NEURL1: variants seen among roughly 807,000 people sequenced by gnomAD.
NEURL1 encodes the protein E3 ubiquitin-protein ligase NEURL1.
NEURL1 carries 26 observed loss-of-function variants against 41.2 expected under a neutral mutation model. The ratio of observed to expected loss-of-function variants is 0.63; its 90% CI spans 0.46 to 0.87. NEURL1 has a LOEUF of 0.87. Among genes scored for constraint, NEURL1 ranks in the 40% least tolerant of loss-of-function variants. The pLI is 0.00. For missense variants in NEURL1, 761 were observed against 871.1 expected, an observed-to-expected ratio of 0.87 and a Z score of 1.59; for synonymous variants, 400 against 402.3, an observed-to-expected ratio of 0.99 and a Z score of 0.07.
intron 1 of NEURL1, among the ~76,000 whole-genome samples, chr10:103,498,259 G>A (rs905708421): frequency 2.6e-5 from 4 of 152,146 alleles, no homozygotes; most frequent in African/African-American, 9.7e-5. Context: ...ACGGAGTCTC[G>A]CTCTGTCGCC....
In NEURL1 at chr10:103,584,533, C is replaced by T; in HGVS notation, c.650-3C>T. 2 of 1,362,302 alleles carry T rather than the reference C, an allele frequency of 1.5e-6. No homozygotes were observed. The highest frequency in any genetic ancestry group is 1.9e-6 in the Non-Finnish European group (2 of 1,062,788). The allele number at this position is 1,362,302 out of a possible 1,614,324, so 84.4% of individuals were successfully genotyped here. On this transcript the variant is annotated splice_region_variant and splice_polypyrimidine_tract_variant and intron_variant, in intron 3 of 5. Transcript: ENST00000369780. ...GTGACACTGCCCCGTGTCTCCCGCGCAGATAGCGAGCTGGTGCTCCCGGAC... is the reference window on the plus strand; with the variant it reads ...GTGACACTGCCCCGTGTCTCCCGCGTAGATAGCGAGCTGGTGCTCCCGGAC...
chr10:103,554,420 G>T (rs2035102068), intron 1 of NEURL1, among the ~76,000 whole-genome samples: 1 of 152,178 alleles, frequency 6.6e-6, no homozygotes, highest in Non-Finnish European at 1.5e-5. Context: ...ATGCACATTT[G>T]TGTGACATGA....
At chr10:103,581,093 G>A (rs1281991192) in intron 3 of NEURL1, among the ~76,000 whole-genome samples, 1 of 152,172 alleles carries the variant, frequency 6.6e-6, no homozygotes, top group Non-Finnish European at 1.5e-5. Flanking sequence ...AAGTTATCGG[G>A]TAGCTTCTGG....
At chr10:103,501,362 C>T (rs926431999) in intron 1 of NEURL1, among the ~76,000 whole-genome samples, 1 of 152,042 alleles carries the variant, frequency 6.6e-6, no homozygotes, top group Non-Finnish European at 1.5e-5. Context: ...GCCTTCTGTC[C>T]TAGGCCACGC....
In NEURL1 at chr10:103,578,079, C is replaced by T. The variant is rs144581606; in HGVS notation, c.649+6257C>T. Among the ~76,000 whole-genome samples, 85 of 152,186 alleles carry T rather than the reference C, an allele frequency of 5.6e-4. No individual in the cohort carries two copies. In the East Asian group the frequency reaches 0.014, roughly 26 times the overall value. On this transcript the variant is annotated intron_variant, in intron 3 of 5. Coordinates refer to ENST00000369780, the MANE Select transcript of NEURL1 (RefSeq NM_004210.5). ...CTTGCAGTATTGGGGACAATGCCTT[C>T]ATTTAAGATGCAGGAGACCCACTGA... is the stretch of plus-strand genomic sequence containing the variant.
intron 3 of NEURL1, among the ~76,000 whole-genome samples, chr10:103,572,284 C>T (rs2133878217): frequency 6.6e-6 from 1 of 152,350 alleles, no homozygotes; most frequent in South Asian, 2.1e-4. Flanking sequence ...GGAGCCATGG[C>T]CGTTGAGGGG....
Position 103,584,937 on chromosome 10 carries a change from G to C in NEURL1, c.1051G>C (p.Gly351Arg). The C allele has an allele frequency of 2.7e-6, 4 of 1,489,710 alleles. No homozygotes were observed. Among genetic ancestry groups the C allele is most frequent in the Non-Finnish European group, 3.5e-6 (4 of 1,127,872 alleles). The allele number at this position is 1,489,710 out of a possible 1,614,324, so 92.3% of individuals were successfully genotyped here. ...CACGCGCTCGGGTGGCGCGCGGCCC[G>C]GCGCGCTGTCGTTCGGCGTCACCAC... ...KVTRSGGARP[G>R]ALSFGVTTCD... is the part of the protein sequence containing the mutation. The change falls in exon 4 of 6, where the codon GGC (glycine) becomes CGC (arginine). Residue 351 changes from glycine (G) to arginine (R), a missense_variant. By Grantham distance (125) the Gly-to-Arg change is moderately radical. Coordinates refer to ENST00000369780, the MANE Select transcript of NEURL1 (RefSeq NM_004210.5).
chr10:103,576,479 T>C (rs532640730), intron 3 of NEURL1, among the ~76,000 whole-genome samples: 1 of 152,214 alleles, frequency 6.6e-6, no homozygotes, highest in East Asian at 1.9e-4. Flanking sequence ...CCATGAGAGC[T>C]GAAAGCTTCC....
intron 1 of NEURL1, among the ~76,000 whole-genome samples, chr10:103,536,783 T>C (rs898986689): frequency 5.3e-5 from 8 of 152,204 alleles, no homozygotes; most frequent in Non-Finnish European, 8.8e-5. Flanking sequence ...ATTTAAACAT[T>C]TAATTTAACC....
At chr10:103,571,384 C>T in intron 2 of NEURL1, 117 bp from the exon 3 acceptor site, 1 of 1,172,326 alleles carries the variant, frequency 8.5e-7, no homozygotes, top group Non-Finnish European at 1.2e-6. Context: ...GGGAACTGTG[C>T]TGGAATGGTG....
In NEURL1 at chr10:103,584,678, G is replaced by A. The variant is rs1459711962; in HGVS notation, c.792G>A (p.Glu264=). ...ACGTGCCGGGCGCGGACGGCGACGA[G>A]GCCGCGCCGGCCGCCGGCTGCCCCA... is the stretch of plus-strand genomic sequence containing the variant. ...DLNVPGADGD[E]AAPAAGCPIP... The change falls in exon 4 of 6, where the codon GAG becomes GAA. Residue 264 remains glutamate (E), a synonymous_variant. Coordinates refer to ENST00000369780, the MANE Select transcript of NEURL1 (RefSeq NM_004210.5). The A allele has an allele frequency of 2.1e-6, 3 of 1,429,646 alleles. No homozygotes were observed. The highest frequency in any genetic ancestry group is 2.7e-6 in the Non-Finnish European group (3 of 1,097,842). The allele number at this position is 1,429,646 out of a possible 1,614,324, so 88.6% of individuals were successfully genotyped here. A position where few individuals can be genotyped will look rare whatever the true frequency, so the allele number is the denominator to read the frequency against.
intron 2 of NEURL1, 80 bp downstream of exon 2, chr10:103,571,193 C>T (rs763461855): frequency 1.4e-5 from 20 of 1,426,306 alleles, no homozygotes; most frequent in Non-Finnish European, 1.9e-5. Flanking sequence ...TGGACTCTGC[C>T]CCTCAGCCGC....
chr10:103,515,185 G>A (rs186224453), intron 1 of NEURL1, among the ~76,000 whole-genome samples: 158 of 130,238 alleles, frequency 1.2e-3, no homozygotes, highest in Non-Finnish European at 1.9e-3. Context: ...CTGAGATCAC[G>A]CCGCCGTACT....
At position 103,588,101 on chromosome 10, in the gene NEURL1, G is replaced by A. The variant is rs923451161; in HGVS notation, c.1340-1413G>A. ...GGGTGGATCACAAGGTCAGGAGATC[G>A]AGACCACCCTGGTTAACATGATGAA... On this transcript the variant is annotated intron_variant, in intron 4 of 5. Coordinates refer to ENST00000369780, the MANE Select transcript of NEURL1 (RefSeq NM_004210.5). 5.9e-5 allele frequency among the ~76,000 whole-genome samples: 9 copies of A among 151,808 alleles called. No homozygotes were observed. In the East Asian group the frequency reaches 1.4e-3, roughly 23 times the overall value.
rs1283951931 is a variant in NEURL1 at position 103,545,374 on chromosome 10, T to C, written c.86-25498T>C. Among the ~76,000 whole-genome samples, 1 of 151,954 alleles carries C rather than the reference T, an allele frequency of 6.6e-6. No homozygotes were observed. Among genetic ancestry groups the C allele is most frequent in the Non-Finnish European group, 1.5e-5 (1 of 67,950 alleles). ...CTAAAAGCCCCTGTTTGTGGGGCTA[T>C]GAGATGTGAGGTTGTCTGGGGTTGG... On this transcript the variant is annotated intron_variant, in intron 1 of 5. Transcript: ENST00000369780. The surrounding 1 kb of genome is among the most constrained non-coding windows in gnomAD (Gnocchi z 4.5).
chr10:103,571,809 C>T lies in NEURL1; in HGVS notation c.636C>T (p.Gly212=), dbSNP rs762116345. 4.2e-5 allele frequency: 68 copies of T among 1,602,660 alleles called. 1 individual carries two copies. In the Middle Eastern group the frequency reaches 4.8e-3, roughly 114 times the overall value. The change falls in exon 3 of 6, where the codon GGC becomes GGT. Residue 212 remains glycine (G), a synonymous_variant. Coordinates refer to ENST00000369780, the MANE Select transcript of NEURL1 (RefSeq NM_004210.5). ...ALVDVYGLTR[G]VQLLDSELVL... Reference sequence around the variant, plus strand: ...TGGACGTCTACGGCCTCACGCGGGGCGTCCAGCTGCTTGGTGAGTGCCTGC... The same window carrying T: ...TGGACGTCTACGGCCTCACGCGGGGTGTCCAGCTGCTTGGTGAGTGCCTGC...
chr10:103,555,497 A>G, intron 1 of NEURL1: 1 of 1,193,326 alleles, frequency 8.4e-7, no homozygotes, highest in Non-Finnish European at 1.1e-6. Context: ...GCTGGGGCTG[A>G]GGGCTTGGTC....
At chr10:103,583,032 G>C (rs1462952278) in intron 3 of NEURL1, among the ~76,000 whole-genome samples, 1 of 152,192 alleles carries the variant, frequency 6.6e-6, no homozygotes, top group East Asian at 1.9e-4. Flanking sequence ...ATGAATTGCA[G>C]GGGTAATTCA....
chr10:103,574,802 C>T (rs888859252), intron 3 of NEURL1, among the ~76,000 whole-genome samples: 3 of 152,180 alleles, frequency 2.0e-5, no homozygotes, highest in Non-Finnish European at 2.9e-5. Context: ...AATGGGTTTG[C>T]ACGCAGTGTT....
Sources: allele counts gnomAD v4.1 joint callset (sites outside exome capture counted in the v4.1 genomes callset), GRCh38; gene constraint gnomAD v4.1.1; non-coding constraint Gnocchi (gnomAD v3.1); transcripts MANE v1.5; gene names NCBI Gene and HGNC (gene_info 2026-07-23, HGNC 2026-07-21).